Variants in ASNSD1 observed in about 807,000 individuals in gnomAD.
ASNSD1 encodes the protein asparagine synthetase domain containing 1.
Under a neutral mutation model 48.3 loss-of-function variants are expected in ASNSD1, and 36 were observed. The observed-to-expected ratio is 0.75, with a 90% CI of 0.57 to 0.99. The LOEUF is 0.99. ASNSD1 is among the 50% of genes least tolerant of loss of function. The pLI is 0.00. For synonymous variants in ASNSD1, 257 were observed against 262.1 expected, an observed-to-expected ratio of 0.98 and a Z score of 0.19; for missense variants, 714 against 758.2, an observed-to-expected ratio of 0.94 and a Z score of 0.69.
intron 2 of ASNSD1, among the ~76,000 whole-genome samples, chr2:189,664,158 T>C (rs2032734937): frequency 6.6e-6 from 1 of 152,216 alleles, no homozygotes; most frequent in Non-Finnish European, 1.5e-5. Flanking sequence ...TTCTATCATA[T>C]GCCATTCACA....
At chr2:189,664,580 A>G (rs2032743407) in intron 2 of ASNSD1, among the ~76,000 whole-genome samples, 2 of 152,210 alleles carry the variant, frequency 1.3e-5, no homozygotes, top group Non-Finnish European at 2.9e-5. Context: ...CACTTATGGA[A>G]TATTAGAAGT....
At chr2:189,663,060 C>G (rs2032704818) in intron 1 of ASNSD1, among the ~76,000 whole-genome samples, 1 of 151,648 alleles carries the variant, frequency 6.6e-6, no homozygotes, top group Non-Finnish European at 1.5e-5. Flanking sequence ...TTACTGTCCC[C>G]AAATAGGGCA....
At chr2:189,662,312 A>G (rs1019782531) in intron 1 of ASNSD1, among the ~76,000 whole-genome samples, 2 of 152,234 alleles carry the variant, frequency 1.3e-5, no homozygotes, top group Admixed American at 6.5e-5. Context: ...CCCTTCAGGT[A>G]TTACATGTCC....
chr2:189,667,619 C>G, intron 4 of ASNSD1, 23 bp downstream of exon 4: 2 of 1,558,622 alleles, frequency 1.3e-6, no homozygotes, highest in East Asian at 2.3e-5. Flanking sequence ...GTTTCTTCTC[C>G]TGAGAATTCC....
At chr2:189,661,670 G>T in intron 1 of ASNSD1, 60 bp downstream of exon 1, 1 of 399,228 alleles carries the variant, frequency 2.5e-6, no homozygotes, top group South Asian at 1.3e-4. Flanking sequence ...ACTGGACCCT[G>T]AAGGTGGTCC....
intron 1 of ASNSD1, among the ~76,000 whole-genome samples, chr2:189,661,954 C>A (rs1201011981): frequency 6.6e-6 from 1 of 152,154 alleles, no homozygotes; most frequent in African/African-American, 2.4e-5. Context: ...GTTAACCATG[C>A]CAGCAACCCG....
Position 189,666,908 on chromosome 2 carries a change from A to G in ASNSD1, c.776A>G (p.Asn259Ser). Residue 259 changes from asparagine (N) to serine (S), a missense_variant, in exon 4 of 6, where the codon AAT becomes AGT. Asn to Ser is a conservative substitution (Grantham distance 46, BLOSUM62 1). Coordinates refer to ENST00000260952, the MANE Select transcript of ASNSD1 (RefSeq NM_019048.4). The stretch of plus-strand genomic sequence containing the variant: ...GCTGCATTGGAGACTCATTGCAGTA[A>G]TATTTCCAATGTGCCACCTACAAGA... The part of the protein sequence containing the change: ...PQAALETHCS[N>S]ISNVPPTREI... 1 of 1,614,082 alleles carries G rather than the reference A, an allele frequency of 6.2e-7. No homozygotes were observed. The highest frequency in any genetic ancestry group is 8.5e-7 in the Non-Finnish European group (1 of 1,179,984).
chr2:189,666,642 G>T lies in ASNSD1; in HGVS notation c.510G>T (p.Trp170Cys), dbSNP rs1291415804. 13 of 1,614,008 alleles carry T rather than the reference G, an allele frequency of 8.1e-6. No individual in the cohort carries two copies. The highest frequency in any genetic ancestry group is 1.1e-5 in the Non-Finnish European group (13 of 1,180,036). ...AAACATCTGGATTGGCAAATCAGTG[G>T]CAAGAAGTTCCAGCATCTGGACTTT... is the stretch of plus-strand genomic sequence containing the variant. ...GTQTSGLANQ[W>C]QEVPASGLFR... is the part of the protein sequence containing the mutation. Residue 170 changes from tryptophan to cysteine, a missense_variant, in exon 4 of 6, where the codon TGG (tryptophan) becomes TGT (cysteine). Transcript: ENST00000260952.
chr2:189,668,384 C>T (rs1041954054), intron 5 of ASNSD1, among the ~76,000 whole-genome samples: 2 of 152,126 alleles, frequency 1.3e-5, no homozygotes, highest in African/African-American at 2.4e-5. Flanking sequence ...GATCATGGTG[C>T]TGCATGCCTG....
At position 189,666,582 on chromosome 2, in the gene ASNSD1, G is replaced by T; in HGVS notation, c.450G>T (p.Leu150Phe). The part of the protein sequence containing the change: ...RRSLLWHFSN[L>F]GKSFCLSSVG... ...GCTTGCTTTGGCATTTTAGTAATTT[G>T]GGCAAGAGTTTCTGCCTCTCTTCAG... The change falls in exon 4 of 6, where the codon TTG becomes TTT. Residue 150 changes from leucine (L) to phenylalanine (F), a missense_variant. Coordinates refer to ENST00000260952, the MANE Select transcript of ASNSD1 (RefSeq NM_019048.4). The T allele has an allele frequency of 1.2e-6, 2 of 1,614,032 alleles. No homozygotes were observed. Among genetic ancestry groups the T allele is most frequent in the Non-Finnish European group, 1.7e-6 (2 of 1,180,020 alleles).
At chr2:189,669,422 A>T (rs1180499428) in intron 5 of ASNSD1, among the ~76,000 whole-genome samples, 1 of 152,186 alleles carries the variant, frequency 6.6e-6, no homozygotes, top group African/African-American at 2.4e-5. Flanking sequence ...CATATGAAGA[A>T]TGTTTAAAGC....
chr2:189,665,227 G>A lies in ASNSD1; in HGVS notation c.-168-149G>A, dbSNP rs938824443. 1.9e-5 allele frequency: 7 copies of A among 369,538 alleles called. No individual in the cohort carries two copies. The South Asian group carries it at 7.4e-4, about 39-fold the overall frequency. The allele number at this position is 369,538 out of a possible 1,614,324, so 22.9% of individuals were successfully genotyped here. Reference sequence around the variant, plus strand: ...AGCAATTTCTGGTAGTTGGGCAGTGGGTGACTTTTATTTGTCTTTTTGCTT... The same window carrying A: ...AGCAATTTCTGGTAGTTGGGCAGTGAGTGACTTTTATTTGTCTTTTTGCTT... On this transcript the variant is annotated intron_variant, in intron 2 of 5. Coordinates refer to ENST00000260952, the MANE Select transcript of ASNSD1 (RefSeq NM_019048.4).
Position 189,666,903 on chromosome 2 carries a change from C to T in ASNSD1, c.771C>T (p.Cys257=), listed in dbSNP as rs1373330917. 6 of 1,613,808 alleles carry T rather than the reference C, an allele frequency of 3.7e-6. No homozygotes were observed. Among genetic ancestry groups the T allele is most frequent in the African/African-American group, 1.3e-5 (1 of 74,888 alleles). ...CACAAGCTGCATTGGAGACTCATTG[C>T]AGTAATATTTCCAATGTGCCACCTA... is the stretch of plus-strand genomic sequence containing the variant. ...MLPQAALETH[C]SNISNVPPTR... is the part of the protein sequence containing the mutation. The change falls in exon 4 of 6, where the codon TGC becomes TGT. Residue 257 remains cysteine (C), a synonymous_variant. Transcript: ENST00000260952.
Position 189,666,934 on chromosome 2 carries a change from G to T in ASNSD1, c.802G>T (p.Glu268Ter). 1.2e-6 allele frequency: 2 copies of T among 1,614,094 alleles called. No individual in the cohort carries two copies. The highest frequency in any genetic ancestry group is 2.7e-5 in the African/African-American group (2 of 75,056). Residue 268 changes from glutamate (E) to a stop codon, truncating the protein, a stop_gained, in exon 4 of 6, where the codon GAG (glutamate) becomes TAG (stop). Transcript: ENST00000260952. LOFTEE classifies it high-confidence loss of function. The part of the protein sequence containing the change: ...SNISNVPPTR[E>*]ILQVFLTDVH... ...TATTTCCAATGTGCCACCTACAAGA[G>T]AGATACTTCAAGTCTTTCTTACTGA...
chr2:189,664,784 G>GA (rs2032747747), intron 2 of ASNSD1, among the ~76,000 whole-genome samples: 1 of 150,972 alleles, frequency 6.6e-6, no homozygotes, highest in Non-Finnish European at 1.5e-5. Context: ...AATTAATACA[G>GA]ACTTTCTCTA....
chr2:189,667,532 C>T lies in ASNSD1; in HGVS notation c.1400C>T (p.Ala467Val). Residue 467 changes from alanine (A) to valine (V), a missense_variant, in exon 4 of 6, where the codon GCT becomes GTT. Transcript: ENST00000260952. The stretch of plus-strand genomic sequence containing the variant: ...AGCATTGGCTGTGCAGTCTGGTTTG[C>T]TTCTAGAGGAATTGGTTGGTTAGTG... ...DDSIGCAVWFASRGIGWLVAQ... is the reference protein window; with the variant it reads ...DDSIGCAVWFVSRGIGWLVAQ... The T allele has an allele frequency of 6.2e-7, 1 of 1,614,036 alleles. No individual in the cohort carries two copies. Among genetic ancestry groups the T allele is most frequent in the Non-Finnish European group, 8.5e-7 (1 of 1,179,960 alleles).
Position 189,665,467 on chromosome 2 carries a change from T to C in ASNSD1, c.-93+16T>C. On this transcript the variant is annotated intron_variant, in intron 3 of 5. Coordinates refer to ENST00000260952, the MANE Select transcript of ASNSD1 (RefSeq NM_019048.4). The stretch of plus-strand genomic sequence containing the variant: ...GAGAGCAAGAGTAAGTTTTTTCTTT[T>C]TTGGGGTTTTTGGGGGGTGCCTAAA... The C allele has an allele frequency of 2.5e-6, 1 of 396,866 alleles. No homozygotes were observed. The highest frequency in any genetic ancestry group is 4.4e-6 in the Non-Finnish European group (1 of 225,186). The allele number at this position is 396,866 out of a possible 1,614,324, so 24.6% of individuals were successfully genotyped here.
chr2:189,666,003 TTA>T, intron 3 of ASNSD1, 36 bp from the exon 4 acceptor site: 3 of 1,078,564 alleles, frequency 2.8e-6, no homozygotes, highest in Non-Finnish European at 1.3e-6. Context: ...CCAAGAATTT[TTA>T]TGTTATTTAA....
In ASNSD1 at chr2:189,670,713, A is replaced by T; in HGVS notation, c.1919A>T (p.Glu640Val). 1 of 1,587,530 alleles carries T rather than the reference A, an allele frequency of 6.3e-7. No homozygotes were observed. The highest frequency in any genetic ancestry group is 1.2e-5 in the South Asian group (1 of 85,208). ...MSLENLSIEK[E>V]TKL ...TTAGAAAATCTTTCTATTGAAAAGG[A>T]GACTAAATTGTAATGTGATTCACAA... The change falls in exon 6 of 6, where the codon GAG (glutamate) becomes GTG (valine). Residue 640 changes from glutamate to valine, a missense_variant. Coordinates refer to ENST00000260952, the MANE Select transcript of ASNSD1 (RefSeq NM_019048.4).
Sources: gnomAD v4.1 joint callset for allele counts (sites outside exome capture counted in the v4.1 genomes callset) on GRCh38, gnomAD v4.1.1 for gene constraint, MANE v1.5 for transcripts, NCBI Gene and HGNC (gene_info 2026-07-23, HGNC 2026-07-21) for gene names.